Variants in CCNJL observed in about 807,000 individuals in gnomAD.
The protein encoded by CCNJL is cyclin-J-like protein.
CCNJL carries 33 observed loss-of-function variants against 33.4 expected under a neutral mutation model. The ratio of observed to expected loss-of-function variants is 0.99; its 90% CI spans 0.75 to 1.32. CCNJL has a LOEUF of 1.32. Ranked by LOEUF, CCNJL falls within the 40% of genes most tolerant of loss-of-function variation. The pLI, the probability that CCNJL is intolerant of heterozygous loss-of-function variation, is 0.00. For missense variants in CCNJL, 512 were observed against 499.7 expected, an observed-to-expected ratio of 1.02 and a Z score of -0.23; for synonymous variants, 227 against 220.9, an observed-to-expected ratio of 1.03 and a Z score of -0.24.
intron 3 of CCNJL, among the ~76,000 whole-genome samples, chr5:160,260,065 G>C (rs1411275488): frequency 6.6e-6 from 1 of 152,200 alleles, no homozygotes; most frequent in Admixed American, 6.5e-5. Context: ...TAGAGTCAAT[G>C]GGAAAATGCA....
chr5:160,301,026 G>A (rs1284050803), intron 2 of CCNJL, among the ~76,000 whole-genome samples: 1 of 152,164 alleles, frequency 6.6e-6, no homozygotes, highest in African/African-American at 2.4e-5. Context: ...CATACCCTGT[G>A]ATTAGGGCTT....
chr5:160,282,976 T>TATAC (rs1561791080), intron 2 of CCNJL, among the ~76,000 whole-genome samples: 3 of 49,822 alleles, frequency 6.0e-5, no homozygotes, highest in Admixed American at 2.1e-4. Context: ...AATATATATA[T>TATAC]ATATATATAT....
chr5:160,314,675 T>G (rs972521149), upstream of CCNJL, among the ~76,000 whole-genome samples: 1 of 152,230 alleles, frequency 6.6e-6, no homozygotes, highest in Admixed American at 6.5e-5. Flanking sequence ...TTTTAACAAA[T>G]GTGACAAAAG....
chr5:160,275,875 A>G (rs1761991645), intron 3 of CCNJL, among the ~76,000 whole-genome samples: 1 of 151,188 alleles, frequency 6.6e-6, no homozygotes, highest in African/African-American at 2.4e-5. Context: ...GCAAACCTCC[A>G]AGGTGTCTCA....
rs760394370 is a variant in CCNJL, at chr5:160,253,573, C to G, written c.969G>C (p.Ser323=). ...LQAHRSGSLL[S]GSTGSSLHTP... is the part of the protein sequence containing the mutation. Reference sequence around the variant, plus strand: ...TGTGGAGGGATGAGCCTGTACTCCCCGAGAGCAGGCTCCCTGAACGGTGGG... The same window carrying G: ...TGTGGAGGGATGAGCCTGTACTCCCGGAGAGCAGGCTCCCTGAACGGTGGG... Residue 323 remains serine, a synonymous_variant, in exon 6 of 6, where the codon TCG becomes TCC. Coordinates refer to ENST00000257536, the MANE Select transcript of CCNJL (RefSeq NM_001308173.3). 1.9e-6 allele frequency: 3 copies of G among 1,614,104 alleles called. No individual in the cohort carries two copies. The highest frequency in any genetic ancestry group is 2.5e-6 in the Non-Finnish European group (3 of 1,179,986).
intron 1 of CCNJL, among the ~76,000 whole-genome samples, chr5:160,324,490 T>C (rs559682869): frequency 3.3e-4 from 51 of 152,278 alleles, no homozygotes; most frequent in African/African-American, 1.2e-3. Flanking sequence ...GGAGAATTGC[T>C]TGAACCCAGG....
intron 2 of CCNJL, among the ~76,000 whole-genome samples, chr5:160,289,001 C>G (rs1021338648): frequency 2.0e-5 from 3 of 152,166 alleles, no homozygotes; most frequent in Non-Finnish European, 4.4e-5. Flanking sequence ...CCTCAGAGAG[C>G]ATGGGAAACA....
At chr5:160,334,349 T>C (rs557842097) in intron 1 of CCNJL, among the ~76,000 whole-genome samples, 2 of 152,314 alleles carry the variant, frequency 1.3e-5, no homozygotes, top group Middle Eastern at 3.4e-3. Context: ...AAAGGCAACA[T>C]TCCACCTACT....
chr5:160,297,266 C>A (rs1292630116), intron 2 of CCNJL, among the ~76,000 whole-genome samples: 1 of 152,162 alleles, frequency 6.6e-6, no homozygotes. Flanking sequence ...CACTAAATGA[C>A]CACTGGATAA....
intron 1 of CCNJL, among the ~76,000 whole-genome samples, chr5:160,325,021 C>G (rs1324833630): frequency 6.6e-6 from 1 of 152,182 alleles, no homozygotes; most frequent in East Asian, 1.9e-4. Flanking sequence ...TGCCTCTGCC[C>G]TAGCTTGCTC....
At chr5:160,256,438 G>A (rs879700965) in intron 4 of CCNJL, among the ~76,000 whole-genome samples, 4 of 152,210 alleles carry the variant, frequency 2.6e-5, no homozygotes, top group Non-Finnish European at 4.4e-5. Context: ...TACTGAATGA[G>A]TGGTTGTAAG....
At chr5:160,256,126 C>T (rs958967565) in intron 4 of CCNJL, among the ~76,000 whole-genome samples, 1 of 152,132 alleles carries the variant, frequency 6.6e-6, no homozygotes, top group Non-Finnish European at 1.5e-5. Flanking sequence ...TGAGCTCAAG[C>T]AATCCTCCTG....
At chr5:160,260,727 C>T (rs1000586006) in intron 3 of CCNJL, among the ~76,000 whole-genome samples, 3 of 152,132 alleles carry the variant, frequency 2.0e-5, no homozygotes, top group Non-Finnish European at 4.4e-5. Flanking sequence ...GGCCGTGGAC[C>T]CTGTCCTTGG....
intron 2 of CCNJL, among the ~76,000 whole-genome samples, chr5:160,295,856 G>C (rs1228970956): frequency 6.6e-6 from 1 of 152,226 alleles, no homozygotes; most frequent in African/African-American, 2.4e-5. Flanking sequence ...AAAGCCCCAA[G>C]TTTGTGGCAC....
At chr5:160,272,654 T>G (rs1217316585) in intron 3 of CCNJL, among the ~76,000 whole-genome samples, 1 of 152,232 alleles carries the variant, frequency 6.6e-6, no homozygotes, top group African/African-American at 2.4e-5. Flanking sequence ...AAGGCAGCTG[T>G]GCTCACCACT....
At chr5:160,304,183 T>A (rs537466597) in intron 2 of CCNJL, among the ~76,000 whole-genome samples, 14 of 152,362 alleles carry the variant, frequency 9.2e-5, no homozygotes, top group African/African-American at 3.4e-4. Context: ...GTGCACACAC[T>A]GAGCATTTTG....
chr5:160,312,286 G>T, intron 1 of CCNJL, 78 bp downstream of exon 1: 1 of 327,766 alleles, frequency 3.1e-6, no homozygotes, highest in Non-Finnish European at 5.7e-6. Context: ...CCACAGGCTC[G>T]CCGTCCCCAA....
At chr5:160,258,285 C>T in intron 4 of CCNJL, 1 of 729,780 alleles carries the variant, frequency 1.4e-6, no homozygotes, top group South Asian at 1.4e-5. Context: ...CAGCATCAGG[C>T]AAGTGGCTGG....
At position 160,253,762 on chromosome 5, in the gene CCNJL, G is replaced by C. The variant is rs2113198774; in HGVS notation, c.780C>G (p.Val260=). 6.5e-7 allele frequency: 1 copy of C among 1,533,430 alleles called. No individual in the cohort carries two copies. 95.0% of individuals were successfully genotyped at this position (1,533,430 alleles called of 1,614,324 possible). A position where few individuals can be genotyped will look rare whatever the true frequency, so the allele number is the denominator to read the frequency against. The change falls in exon 6 of 6, where the codon GTC becomes GTG. Residue 260 remains valine (V), a synonymous_variant. Coordinates refer to ENST00000257536, the MANE Select transcript of CCNJL (RefSeq NM_001308173.3). ...GCACCATTGCCAAGGCCTGGCTCTT[G>C]ACGGCTACGGCATCCTTGAGGACGT... ...YDNVLKDAVA[V]KSQALAMVPG...
Sources: allele counts gnomAD v4.1 joint callset (sites outside exome capture counted in the v4.1 genomes callset), GRCh38; gene constraint gnomAD v4.1.1; transcripts MANE v1.5; gene names NCBI Gene and HGNC (gene_info 2026-07-23, HGNC 2026-07-21).